The following CTNNA2 variants were observed in gnomAD, a reference collection of about 807,000 sequenced individuals.
The protein encoded by CTNNA2 is catenin alpha-2.
A neutral mutation model predicts 101.0 loss-of-function variants in CTNNA2; 42 were observed. That is an observed-to-expected ratio of 0.42 (90% confidence interval 0.32 to 0.54). The LOEUF (loss-of-function observed/expected upper bound fraction) is 0.54. Ranked by LOEUF, CTNNA2 falls within the 20% of genes least tolerant of loss-of-function variation. The probability of loss-of-function intolerance (pLI) is 0.14; values close to 1 mark genes in which losing one functional copy is unlikely to be tolerated. For missense variants in CTNNA2, 871 were observed against 1,223.1 expected (o/e 0.71, Z 4.29); for synonymous variants, 450 against 456.4 (o/e 0.99, Z 0.18).
chr2:80,206,706 G>A (rs1034194383), intron 7 of CTNNA2, among the ~76,000 whole-genome samples: 1 of 152,082 alleles, frequency 6.6e-6, no homozygotes, highest in Non-Finnish European at 1.5e-5. Flanking sequence ...ACTCTGAGGT[G>A]GTGTTTTGAA....
Position 80,232,367 on chromosome 2 carries a change from T to G in CTNNA2, c.1057-160844T>G, listed in dbSNP as rs1573465183. Among the ~76,000 whole-genome samples the G allele has an allele frequency of 7.2e-3, 446 of 62,374 alleles. 7 individuals are homozygous for G. Among genetic ancestry groups the G allele is most frequent in the African/African-American group, 0.015 (415 of 28,470 alleles). 40.9% of individuals were successfully genotyped at this position (62,374 alleles called of 152,430 possible). A position where few individuals can be genotyped will look rare whatever the true frequency, so the allele number is the denominator to read the frequency against. On this transcript the variant is annotated intron_variant, in intron 7 of 18. Coordinates refer to ENST00000402739, the MANE Select transcript of CTNNA2 (RefSeq NM_001282597.3). ...TTTGTTTTTTTTTTTTTTTTTTTTT[T>G]TTTTTTTTTTTTTTTTTTTTTGTTA... is the stretch of plus-strand genomic sequence containing the variant.
chr2:80,404,432 G>A (rs1678868681), intron 8 of CTNNA2, among the ~76,000 whole-genome samples: 1 of 152,064 alleles, frequency 6.6e-6, no homozygotes. Flanking sequence ...CCCCAGTGAG[G>A]GGGGAAATAT....
intron 7 of CTNNA2, among the ~76,000 whole-genome samples, chr2:80,069,492 A>G (rs558553234): frequency 6.6e-6 from 1 of 152,208 alleles, no homozygotes; most frequent in Non-Finnish European, 1.5e-5. Flanking sequence ...ATCTAACATG[A>G]TACAACCATC....
intron 7 of CTNNA2, among the ~76,000 whole-genome samples, chr2:79,974,109 C>T (rs140150430): frequency 6.6e-6 from 1 of 152,024 alleles, no homozygotes; most frequent in Non-Finnish European, 1.5e-5. Context: ...TTTTTAAACA[C>T]AGATAACTAC....
chr2:79,471,533 C>T (rs995968154), intron 4 of CTNNA2, among the ~76,000 whole-genome samples: 5 of 152,076 alleles, frequency 3.3e-5, no homozygotes, highest in Admixed American at 6.6e-5. Flanking sequence ...ACCATCACAT[C>T]GGAGGTTAAG....
intron 11 of CTNNA2, 95 bp downstream of exon 11, chr2:80,546,158 A>G: frequency 6.9e-7 from 1 of 1,458,172 alleles, no homozygotes; most frequent in Non-Finnish European, 9.2e-7. Context: ...TCTGTGTTTC[A>G]GGCGCACTCC....
chr2:79,950,921 TA>T (rs34751165), intron 7 of CTNNA2, among the ~76,000 whole-genome samples: 79,278 of 151,934 alleles, frequency 0.52, 21,527 homozygotes, highest in East Asian at 0.62. Context: ...AGAGTCAGTC[TA>T]AAAGTTTGAA....
intron 2 of CTNNA2, among the ~76,000 whole-genome samples, chr2:79,720,921 A>C (rs1320999321): frequency 6.6e-6 from 1 of 152,086 alleles, no homozygotes. Context: ...ACCATACAAA[A>C]GCTTAGGGAA....
At chr2:79,303,251 G>T (rs969790882) in intron 2 of CTNNA2, among the ~76,000 whole-genome samples, 1 of 152,208 alleles carries the variant, frequency 6.6e-6, no homozygotes, top group Admixed American at 6.5e-5. Flanking sequence ...ACGTCCTGAA[G>T]TGGGGCCTTG....
At position 79,706,385 on chromosome 2, in the gene CTNNA2, AAAAT is replaced by A. The variant is rs1429343175; in HGVS notation, c.103-38001_103-37998del. Reference sequence around the variant, plus strand: ...CTCAAAAAAAAAAAAAAAAAAAAAAAAAATTAGCATGTGTGGATTCCCGATTTGC... The same window carrying A: ...CTCAAAAAAAAAAAAAAAAAAAAAAATAGCATGTGTGGATTCCCGATTTGC... On this transcript the variant is annotated intron_variant, in intron 2 of 18. Coordinates refer to ENST00000402739, the MANE Select transcript of CTNNA2 (RefSeq NM_001282597.3). 2.3e-4 allele frequency among the ~76,000 whole-genome samples: 31 copies of A among 134,674 alleles called. 1 individual carries two copies. Among genetic ancestry groups the A allele is most frequent in the Admixed American group, 2.1e-3 (27 of 12,764 alleles). The allele number at this position is 134,674 out of a possible 152,430, so 88.4% of individuals were successfully genotyped here.
At chr2:79,916,544 CCCCTCCCCTCCCCT>C (rs1686224063) in intron 7 of CTNNA2, among the ~76,000 whole-genome samples, 2 of 26,848 alleles carry the variant, frequency 7.4e-5, no homozygotes, top group Non-Finnish European at 7.6e-5. Flanking sequence ...CCCCTCCCCT[CCCCTCCCCTCCCCT>C]CCCCTCCCCT....
chr2:79,868,606 G>T (rs1558596574), intron 4 of CTNNA2, among the ~76,000 whole-genome samples: 1 of 152,186 alleles, frequency 6.6e-6, no homozygotes, highest in Non-Finnish European at 1.5e-5. Flanking sequence ...GTTGTCATTT[G>T]TGTTTCCGAA....
chr2:79,893,612 T>C (rs1313136606), intron 6 of CTNNA2, among the ~76,000 whole-genome samples: 4 of 152,200 alleles, frequency 2.6e-5, no homozygotes, highest in East Asian at 3.8e-4. Context: ...ATGATGAGTT[T>C]ATTATTAGAG....
intron 1 of CTNNA2, among the ~76,000 whole-genome samples, chr2:79,518,370 C>T (rs1671918064): frequency 6.6e-6 from 1 of 152,128 alleles, no homozygotes. Context: ...TAAAAAAGTC[C>T]TTGAGTTGTA....
chr2:80,591,327 T>C (rs1696469549), intron 15 of CTNNA2, among the ~76,000 whole-genome samples: 1 of 151,966 alleles, frequency 6.6e-6, no homozygotes, highest in Non-Finnish European at 1.5e-5. Context: ...TGATGAGTCG[T>C]TTTGTGTTCT....
chr2:79,883,496 G>A (rs1683603340), intron 6 of CTNNA2, among the ~76,000 whole-genome samples: 1 of 152,146 alleles, frequency 6.6e-6, no homozygotes, highest in African/African-American at 2.4e-5. Flanking sequence ...ATAATCAATG[G>A]AAAACTCAGC....
chr2:79,278,847 T>A (rs1675286280), intron 2 of CTNNA2, among the ~76,000 whole-genome samples: 1 of 152,094 alleles, frequency 6.6e-6, no homozygotes, highest in African/African-American at 2.4e-5. Flanking sequence ...GGTCCTCTGC[T>A]GTGGCTGGAA....
chr2:80,406,758 C>T (rs751152584), intron 8 of CTNNA2, among the ~76,000 whole-genome samples: 4 of 128,892 alleles, frequency 3.1e-5, no homozygotes, highest in Non-Finnish European at 6.0e-5. Context: ...ACCCGGGAGG[C>T]GGAGCTTGCA....
chr2:80,606,227 TTTCTCGGCA>T, intron 16 of CTNNA2, among the ~76,000 whole-genome samples: 1 of 151,994 alleles, frequency 6.6e-6, no homozygotes, highest in East Asian at 1.9e-4. Flanking sequence ...GTCAAAAGTA[TTTCTCGGCA>T]TCTTTAGGCC....
Sources: gnomAD v4.1 joint callset for allele counts (sites outside exome capture counted in the v4.1 genomes callset) on GRCh38, gnomAD v4.1.1 for gene constraint, MANE v1.5 for transcripts, NCBI Gene and HGNC (gene_info 2026-07-23, HGNC 2026-07-21) for gene names.